GRM7: variants seen among roughly 807,000 people sequenced by gnomAD.
The protein encoded by GRM7 is glutamate metabotropic receptor 7, also known as metabotropic glutamate receptor 7.
A neutral mutation model predicts 84.5 loss-of-function variants in GRM7; 35 were observed. That is an observed-to-expected ratio of 0.41 (90% CI 0.32 to 0.55). The LOEUF is 0.55. Ranked by LOEUF, GRM7 falls within the 20% of genes least tolerant of loss-of-function variation. The pLI is 0.19. For missense variants in GRM7, 1,003 were observed against 1,194.6 expected (o/e 0.84, Z 2.36); for synonymous variants, 487 against 455.1 (o/e 1.07, Z -0.89).
chr3:6,947,792 T>C (rs1036372501), intron 1 of GRM7, among the ~76,000 whole-genome samples: 1 of 152,200 alleles, frequency 6.6e-6, no homozygotes, highest in African/African-American at 2.4e-5. Context: ...GGAGAGTGTA[T>C]GTGTCGAGGA....
intron 8 of GRM7, among the ~76,000 whole-genome samples, chr3:7,651,036 G>C (rs1224839295): frequency 2.6e-5 from 3 of 113,908 alleles, no homozygotes; most frequent in Non-Finnish European, 4.3e-5. Context: ...GGGGAAAGAA[G>C]GCAGCCTCTT....
At chr3:7,386,264 C>T (rs954113258) in intron 4 of GRM7, among the ~76,000 whole-genome samples, 1 of 151,930 alleles carries the variant, frequency 6.6e-6, no homozygotes, top group Non-Finnish European at 1.5e-5. Flanking sequence ...TTTTAAAGTT[C>T]TTTTTTAATG....
At chr3:7,010,358 G>A (rs1332779871) in intron 1 of GRM7, among the ~76,000 whole-genome samples, 2 of 152,196 alleles carry the variant, frequency 1.3e-5, no homozygotes, top group Non-Finnish European at 2.9e-5. Context: ...GGAGGCAGGG[G>A]CACAAGAATT....
intron 2 of GRM7, among the ~76,000 whole-genome samples, chr3:7,220,274 A>T (rs948611510): frequency 6.6e-6 from 1 of 152,158 alleles, no homozygotes; most frequent in African/African-American, 2.4e-5. Context: ...CCTGACAAAC[A>T]CTATCTCAGT....
intron 2 of GRM7, among the ~76,000 whole-genome samples, chr3:7,190,241 A>G (rs1419186286): frequency 6.6e-6 from 1 of 152,182 alleles, no homozygotes; most frequent in African/African-American, 2.4e-5. Flanking sequence ...TTTCAGAAGC[A>G]TGGTGATCAG....
chr3:7,674,044 G>A (rs1368166565), intron 8 of GRM7, among the ~76,000 whole-genome samples: 1 of 152,190 alleles, frequency 6.6e-6, no homozygotes, highest in Admixed American at 6.5e-5. Context: ...TTTATGCAGA[G>A]GATGCCTGTG....
chr3:7,008,987 T>C (rs867254831), intron 1 of GRM7, among the ~76,000 whole-genome samples: 3 of 152,192 alleles, frequency 2.0e-5, no homozygotes, highest in Non-Finnish European at 4.4e-5. Flanking sequence ...ATAATGAATA[T>C]AAAAAGATCT....
At chr3:7,661,696 A>G (rs1699452520) in intron 8 of GRM7, among the ~76,000 whole-genome samples, 1 of 147,428 alleles carries the variant, frequency 6.8e-6, no homozygotes, top group Non-Finnish European at 1.5e-5. Flanking sequence ...CCGAAGGCTG[A>G]GGCAGAAGAA....
At chr3:7,059,583 CT>C (rs1697359472) in intron 1 of GRM7, among the ~76,000 whole-genome samples, 1 of 151,638 alleles carries the variant, frequency 6.6e-6, no homozygotes, top group African/African-American at 2.4e-5. Flanking sequence ...CATTTTTTAT[CT>C]CATTTCCTAT....
intron 8 of GRM7, among the ~76,000 whole-genome samples, chr3:7,627,670 G>C (rs1409786475): frequency 6.6e-6 from 1 of 152,064 alleles, no homozygotes; most frequent in Admixed American, 6.6e-5. Context: ...CGAACTGGGT[G>C]GTGGAAACAA....
At chr3:7,119,450 G>A (rs951955542) in intron 1 of GRM7, among the ~76,000 whole-genome samples, 54 of 152,118 alleles carry the variant, frequency 3.5e-4, no homozygotes, top group African/African-American at 1.2e-3. Flanking sequence ...GACTAGATTC[G>A]TAGTCCATAT....
intron 2 of GRM7, among the ~76,000 whole-genome samples, chr3:7,278,804 A>C (rs1699160801): frequency 6.6e-6 from 1 of 152,194 alleles, no homozygotes; most frequent in Non-Finnish European, 1.5e-5. Flanking sequence ...TGGAATACAG[A>C]GACTTCTCAG....
At chr3:7,110,621 TTATATA>T (rs1407407812) in intron 1 of GRM7, among the ~76,000 whole-genome samples, 1 of 128,212 alleles carries the variant, frequency 7.8e-6, no homozygotes, top group East Asian at 2.4e-4. Flanking sequence ...ACGCACACAA[TTATATA>T]TATATAATTT....
At chr3:7,124,446 C>A (rs1693330814) in intron 1 of GRM7, among the ~76,000 whole-genome samples, 1 of 152,124 alleles carries the variant, frequency 6.6e-6, no homozygotes, top group Non-Finnish European at 1.5e-5. Context: ...GCGGAGGTTG[C>A]AGTGAACTGA....
At chr3:7,466,878 C>T (rs545477932) in intron 7 of GRM7, among the ~76,000 whole-genome samples, 2 of 152,302 alleles carry the variant, frequency 1.3e-5, no homozygotes, top group South Asian at 4.1e-4. Flanking sequence ...ACTTACACTT[C>T]ACACCTATAG....
chr3:7,213,659 G>C (rs997407428), intron 2 of GRM7, among the ~76,000 whole-genome samples: 1 of 152,160 alleles, frequency 6.6e-6, no homozygotes, highest in African/African-American at 2.4e-5. Context: ...GAACTTCTAC[G>C]CAGTCACAAC....
At chr3:7,209,304 C>A (rs1696343882) in intron 2 of GRM7, among the ~76,000 whole-genome samples, 1 of 152,104 alleles carries the variant, frequency 6.6e-6, no homozygotes, top group Non-Finnish European at 1.5e-5. Context: ...ACTGTTTGAA[C>A]TGTTTATTGC....
At chr3:7,675,041 C>T (rs893214101) in intron 8 of GRM7, among the ~76,000 whole-genome samples, 7 of 152,252 alleles carry the variant, frequency 4.6e-5, no homozygotes, top group African/African-American at 1.7e-4. Context: ...CCGCATAACA[C>T]TTTTCTGAGT....
At chr3:7,130,344 C>A (rs976440415) in intron 1 of GRM7, among the ~76,000 whole-genome samples, 3 of 152,008 alleles carry the variant, frequency 2.0e-5, no homozygotes, top group African/African-American at 7.2e-5. Context: ...GAGTTTGAGA[C>A]CAGTCTGGCC....
Sources: gnomAD v4.1 joint callset for allele counts (sites outside exome capture counted in the v4.1 genomes callset) on GRCh38, gnomAD v4.1.1 for gene constraint, MANE v1.5 for transcripts, NCBI Gene and HGNC (gene_info 2026-07-23, HGNC 2026-07-21) for gene names.